HHIPL2: variants seen among roughly 807,000 people sequenced by gnomAD.
HHIPL2 encodes the protein HHIP-like protein 2.
In HHIPL2, 61 loss-of-function variants were observed where a neutral mutation model predicts 61.0. The observed-to-expected ratio is 1.00, with a 90% CI of 0.81 to 1.24. The LOEUF is 1.24. HHIPL2 is among the 50% of genes most tolerant of loss of function. The probability of loss-of-function intolerance (pLI) is 0.00; values close to 1 mark genes in which losing one functional copy is unlikely to be tolerated. For missense variants in HHIPL2, 885 were observed against 910.2 expected (o/e 0.97, Z 0.36); for synonymous variants, 343 against 357.4 (o/e 0.96, Z 0.45).
intron 6 of HHIPL2, among the ~76,000 whole-genome samples, chr1:222,527,621 A>G (rs1258909000): frequency 2.0e-5 from 3 of 151,708 alleles, no homozygotes; most frequent in South Asian, 2.1e-4. Flanking sequence ...TCTCTCCTGT[A>G]TCTCTCTGAT....
chr1:222,538,795 AGAGT>A (rs770066380), intron 4 of HHIPL2, 21 bp from the exon 5 acceptor site: 1 of 1,612,168 alleles, frequency 6.2e-7, no homozygotes, highest in Non-Finnish European at 8.5e-7. Flanking sequence ...GAGAGGAAAG[AGAGT>A]GAGTGTCGTG....
chr1:222,523,506 CA>C (rs1426190137), intron 8 of HHIPL2, 105 bp downstream of exon 8: 5 of 1,020,202 alleles, frequency 4.9e-6, no homozygotes, highest in Non-Finnish European at 7.7e-6. Flanking sequence ...TAGTTTCCCT[CA>C]GGGGGTAACT....
In HHIPL2 at chr1:222,523,609, C is replaced by G. The variant is rs375066737; in HGVS notation, c.1888+3G>C. 1.9e-6 allele frequency: 3 copies of G among 1,613,886 alleles called. No individual in the cohort carries two copies. The highest frequency in any genetic ancestry group is 1.3e-5 in the African/African-American group (1 of 74,906). On this transcript the variant is annotated splice_donor_region_variant and intron_variant, in intron 8 of 8. Coordinates refer to ENST00000343410, the MANE Select transcript of HHIPL2 (RefSeq NM_024746.4). The stretch of plus-strand genomic sequence containing the variant: ...TGAGCCTAAGACTCAAAGATGGACT[C>G]ACTGGCGAGTGGTCTGAACGGGATC...
chr1:222,545,714 T>C (rs1659539687), intron 1 of HHIPL2, among the ~76,000 whole-genome samples: 1 of 151,826 alleles, frequency 6.6e-6, no homozygotes, highest in South Asian at 2.1e-4. Flanking sequence ...CTTCCCTACT[T>C]CAAAGGGAAG....
chr1:222,522,829 A>T lies in HHIPL2; in HGVS notation c.1947T>A (p.Ser649Arg), dbSNP rs202103389. 4.6e-5 allele frequency: 75 copies of T among 1,614,192 alleles called. No homozygotes were observed. In the East Asian group the frequency reaches 1.4e-3, roughly 30 times the overall value. ...GGGCTGGGCCAGAAGCTAAGGTTGC[A>T]CTGGAAGATTTTCTAGCAGCTTTCT... ...QSEKAARKSS[S>R]ATLASGPAQG... Residue 649 changes from serine to arginine, a missense_variant, in exon 9 of 9, where the codon AGT (serine) becomes AGA (arginine). Physicochemically the swap from Ser to Arg is moderately radical, Grantham distance 110. Coordinates refer to ENST00000343410, the MANE Select transcript of HHIPL2 (RefSeq NM_024746.4).
At chr1:222,533,748 A>G (rs1215261790) in intron 5 of HHIPL2, among the ~76,000 whole-genome samples, 1 of 152,168 alleles carries the variant, frequency 6.6e-6, no homozygotes, top group African/African-American at 2.4e-5. Flanking sequence ...TTTTTCCAGC[A>G]TACTACCTTG....
chr1:222,538,195 GGTGTGTGTGTGTGTGT>G (rs373452655), intron 5 of HHIPL2, among the ~76,000 whole-genome samples: 2,455 of 136,210 alleles, frequency 0.018, 63 homozygotes, highest in African/African-American at 0.052. Flanking sequence ...CTCTGGCTGG[GGTGTGTGTGTGTGTGT>G]GTGTGTGTGT....
intron 1 of HHIPL2, among the ~76,000 whole-genome samples, chr1:222,546,926 C>A (rs996447129): frequency 1.1e-4 from 16 of 152,240 alleles, no homozygotes; most frequent in Non-Finnish European, 2.9e-5. Context: ...GCTGCCTGGA[C>A]TTCTTGCCTC....
chr1:222,526,860 A>C (rs1306412090), intron 7 of HHIPL2, 109 bp downstream of exon 7: 6 of 803,830 alleles, frequency 7.5e-6, no homozygotes, highest in South Asian at 6.9e-5. Context: ...ACTGCTTTTC[A>C]TCTAGAACAT....
chr1:222,547,616 G>T, intron 1 of HHIPL2, 108 bp downstream of exon 1: 1 of 931,858 alleles, frequency 1.1e-6, no homozygotes, highest in Non-Finnish European at 1.6e-6. Flanking sequence ...TGAGGCACCC[G>T]GCACATGAAC....
chr1:222,544,091 G>GCT lies in HHIPL2; in HGVS notation c.419_420insAG (p.Phe140LeufsTer13). 1.2e-6 allele frequency: 2 copies of GCT among 1,614,192 alleles called. No homozygotes were observed. Among genetic ancestry groups the GCT allele is most frequent in the South Asian group, 2.2e-5 (2 of 91,088 alleles). ...AAATGGCTGAGTGACAGTTAGAATG[G>GCT]AAGGCAGAGCAGTAATCAGAGCAGA... On this transcript the variant is annotated frameshift_variant, in exon 2 of 9. Transcript: ENST00000343410. LOFTEE classifies it high-confidence loss of function.
chr1:222,542,693 G>A (rs1430101005), intron 2 of HHIPL2, among the ~76,000 whole-genome samples: 1 of 151,892 alleles, frequency 6.6e-6, no homozygotes, highest in East Asian at 1.9e-4. Context: ...ACCATGCCTG[G>A]CTAATTTTTG....
At chr1:222,538,559 T>G in intron 5 of HHIPL2, 89 bp downstream of exon 5, 2 of 1,212,344 alleles carry the variant, frequency 1.6e-6, no homozygotes, top group Non-Finnish European at 2.4e-6. Flanking sequence ...CCTGTGCTCT[T>G]ACGTGATTAT....
chr1:222,545,148 A>G (rs556456629), intron 1 of HHIPL2, among the ~76,000 whole-genome samples: 52 of 152,266 alleles, frequency 3.4e-4, no homozygotes, highest in Non-Finnish European at 6.3e-4. Flanking sequence ...GAGATTAGGA[A>G]GGTAAGAAAG....
chr1:222,546,322 T>C (rs1327501278), intron 1 of HHIPL2, among the ~76,000 whole-genome samples: 1 of 152,208 alleles, frequency 6.6e-6, no homozygotes, highest in African/African-American at 2.4e-5. Context: ...TTGTTTTACC[T>C]TGGGTAAGTC....
intron 6 of HHIPL2, among the ~76,000 whole-genome samples, chr1:222,528,618 AAAAG>A (rs1271690972): frequency 3.3e-5 from 5 of 152,214 alleles, no homozygotes; most frequent in East Asian, 1.9e-4. Context: ...CTCAAAAAAA[AAAAG>A]AAAGTGTTCG....
intron 7 of HHIPL2, among the ~76,000 whole-genome samples, chr1:222,524,511 A>T (rs1659020458): frequency 6.6e-6 from 1 of 152,236 alleles, no homozygotes; most frequent in Admixed American, 6.5e-5. Flanking sequence ...CAACCTGTGA[A>T]GTAAGTACTA....
At chr1:222,538,423 CAGAGAGAG>C (rs369750527) in intron 5 of HHIPL2, among the ~76,000 whole-genome samples, 4 of 147,122 alleles carry the variant, frequency 2.7e-5, no homozygotes, top group African/African-American at 1.0e-4. Flanking sequence ...GAGAGAGAGA[CAGAGAGAG>C]AGAGAGAGAG....
At chr1:222,528,281 T>C (rs547355594) in intron 6 of HHIPL2, among the ~76,000 whole-genome samples, 1 of 152,292 alleles carries the variant, frequency 6.6e-6, no homozygotes, top group South Asian at 2.1e-4. Context: ...TCACAATGCC[T>C]CAAGTGATTG....
Sources: gnomAD v4.1 joint callset for allele counts (sites outside exome capture counted in the v4.1 genomes callset) on GRCh38, gnomAD v4.1.1 for gene constraint, MANE v1.5 for transcripts, NCBI Gene and HGNC (gene_info 2026-07-23, HGNC 2026-07-21) for gene names.